Variants in SEZ6L observed in about 807,000 individuals in gnomAD.
The protein encoded by SEZ6L is seizure related 6 homolog like, also known as seizure 6-like protein.
A neutral mutation model predicts 106.2 loss-of-function variants in SEZ6L; 37 were observed. The ratio of observed to expected loss-of-function variants is 0.35; its 90% CI spans 0.27 to 0.46. The LOEUF (loss-of-function observed/expected upper bound fraction) is 0.46. Ranked by LOEUF, SEZ6L falls within the 20% of genes least tolerant of loss-of-function variation. The pLI, the probability that SEZ6L is intolerant of heterozygous loss-of-function variation, is 1.00. For missense variants in SEZ6L, 1,172 were observed against 1,332.8 expected, an observed-to-expected ratio of 0.88 and a Z score of 1.88; for synonymous variants, 541 against 570.4, an observed-to-expected ratio of 0.95 and a Z score of 0.73.
chr22:26,360,770 T>C (rs1259484539), intron 12 of SEZ6L, among the ~76,000 whole-genome samples: 2 of 152,162 alleles, frequency 1.3e-5, no homozygotes, highest in Non-Finnish European at 2.9e-5. Flanking sequence ...CTGTTCTCTG[T>C]TCCCCATTCG....
chr22:26,223,051 T>A (rs1417360112), intron 1 of SEZ6L, among the ~76,000 whole-genome samples: 2 of 152,166 alleles, frequency 1.3e-5, no homozygotes, highest in Non-Finnish European at 2.9e-5. Flanking sequence ...TCCTGATCTG[T>A]AAGATGTGAA....
intron 1 of SEZ6L, among the ~76,000 whole-genome samples, chr22:26,237,138 G>A (rs2078980054): frequency 6.6e-6 from 1 of 152,168 alleles, no homozygotes; most frequent in African/African-American, 2.4e-5. Flanking sequence ...TCCCCTCCCT[G>A]AGCCTCAGTT....
At chr22:26,280,779 T>C (rs1252579449) in intron 1 of SEZ6L, among the ~76,000 whole-genome samples, 1 of 152,208 alleles carries the variant, frequency 6.6e-6, no homozygotes, top group East Asian at 1.9e-4. Flanking sequence ...TATTTTTAAT[T>C]GACTAATAAA....
intron 16 of SEZ6L, 108 bp from the exon 17 acceptor site, chr22:26,380,158 G>T (rs749289681): frequency 2.8e-5 from 30 of 1,064,932 alleles, no homozygotes; most frequent in Non-Finnish European, 4.0e-5. Context: ...GCACTGAAAA[G>T]TCACGACCAA....
At chr22:26,341,083 C>T (rs1406366060) in intron 10 of SEZ6L, among the ~76,000 whole-genome samples, 1 of 151,878 alleles carries the variant, frequency 6.6e-6, no homozygotes, top group Non-Finnish European at 1.5e-5. Context: ...ATCGTCTTCA[C>T]CTTCTTGCCC....
Position 26,383,388 on chromosome 22 carries a change from T to C in SEZ6L, c.*3093T>C, listed in dbSNP as rs2084470714. On this transcript the variant is annotated 3_prime_UTR_variant, in exon 17 of 17. Coordinates refer to ENST00000248933, the MANE Select transcript of SEZ6L (RefSeq NM_021115.5). ...ATCCGAAGGGCATGATCTTCCTATG[T>C]CCTTGACTAGGCATGACGAGTCATT... 6.6e-6 allele frequency: 1 copy of C among 152,088 alleles called. No homozygotes were observed. The highest frequency in any genetic ancestry group is 1.5e-5 in the Non-Finnish European group (1 of 68,016). 9.4% of individuals were successfully genotyped at this position (152,088 alleles called of 1,614,324 possible). A position where few individuals can be genotyped will look rare whatever the true frequency, so the allele number is the denominator to read the frequency against.
chr22:26,177,082 T>G (rs1939059802), intron 1 of SEZ6L, among the ~76,000 whole-genome samples: 1 of 152,218 alleles, frequency 6.6e-6, no homozygotes, highest in Non-Finnish European at 1.5e-5. Flanking sequence ...TAAATGACTT[T>G]TCCTCTTAAT....
intron 1 of SEZ6L, among the ~76,000 whole-genome samples, chr22:26,217,968 C>T (rs190603826): frequency 6.6e-6 from 1 of 152,344 alleles, no homozygotes; most frequent in African/African-American, 2.4e-5. Context: ...CAAACAGTTC[C>T]TGGAGACCCT....
At chr22:26,194,690 T>G (rs1569367991) in intron 1 of SEZ6L, among the ~76,000 whole-genome samples, 1 of 152,202 alleles carries the variant, frequency 6.6e-6, no homozygotes, top group Non-Finnish European at 1.5e-5. Context: ...GCTTGCACTC[T>G]GGACTTGTAC....
chr22:26,209,028 A>C (rs1464370976), intron 1 of SEZ6L, among the ~76,000 whole-genome samples: 1 of 151,940 alleles, frequency 6.6e-6, no homozygotes, highest in African/African-American at 2.4e-5. Flanking sequence ...TTCCTCTGTC[A>C]TCATTCTGTT....
At chr22:26,250,708 AT>A (rs2079546938) in intron 1 of SEZ6L, among the ~76,000 whole-genome samples, 2 of 152,098 alleles carry the variant, frequency 1.3e-5, no homozygotes, top group African/African-American at 2.4e-5. Flanking sequence ...TGTCATTGGT[AT>A]TTTATAGGGA....
At position 26,351,539 on chromosome 22, in the gene SEZ6L, T is replaced by TGA. The variant is rs10634006; in HGVS notation, c.2599+296_2599+297insGA. ...TTTGTTTGTTTGTTTGTTTGTTTGT[T>TGA]TGTTTGTTGGTTGGTTGGTTGGTTT... is the stretch of plus-strand genomic sequence containing the variant. On this transcript the variant is annotated intron_variant, in intron 12 of 16. Coordinates refer to ENST00000248933, the MANE Select transcript of SEZ6L (RefSeq NM_021115.5). 2.4e-5 allele frequency: 6 copies of TGA among 249,620 alleles called. No individual in the cohort carries two copies. The South Asian group carries it at 3.1e-4, about 13-fold the overall frequency. 15.5% of individuals were successfully genotyped at this position (249,620 alleles called of 1,614,324 possible).
rs1051041271 is a variant in SEZ6L, at chr22:26,380,621, T to G, written c.*326T>G. 3 of 282,908 alleles carry G rather than the reference T, an allele frequency of 1.1e-5. No individual in the cohort carries two copies. Among genetic ancestry groups the G allele is most frequent in the African/African-American group, 2.1e-5 (1 of 46,778 alleles). The allele number at this position is 282,908 out of a possible 1,614,324, so 17.5% of individuals were successfully genotyped here. A position where few individuals can be genotyped will look rare whatever the true frequency, so the allele number is the denominator to read the frequency against. Reference sequence around the variant, plus strand: ...GTTTCTCCCATCAGCAATGCCATGCTAAGGCTGCATTGAATTGCATGCATC... The same window carrying G: ...GTTTCTCCCATCAGCAATGCCATGCGAAGGCTGCATTGAATTGCATGCATC... On this transcript the variant is annotated 3_prime_UTR_variant, in exon 17 of 17. Transcript: ENST00000248933.
At chr22:26,343,383 A>G (rs2082907404) in intron 10 of SEZ6L, among the ~76,000 whole-genome samples, 1 of 152,080 alleles carries the variant, frequency 6.6e-6, no homozygotes, top group Non-Finnish European at 1.5e-5. Flanking sequence ...TTAACCAGAA[A>G]GTCTGGCCAG....
intron 1 of SEZ6L, among the ~76,000 whole-genome samples, chr22:26,214,125 T>C (rs542665462): frequency 3.9e-5 from 6 of 152,330 alleles, no homozygotes; most frequent in Admixed American, 3.3e-4. Context: ...CTAATGACTT[T>C]GGAGATCAGT....
At chr22:26,181,952 G>A (rs917982357) in intron 1 of SEZ6L, among the ~76,000 whole-genome samples, 3 of 152,098 alleles carry the variant, frequency 2.0e-5, no homozygotes, top group South Asian at 2.1e-4. Flanking sequence ...GTCGTGAGAC[G>A]CATGGCTGCC....
chr22:26,249,725 C>T (rs2079503992), intron 1 of SEZ6L, among the ~76,000 whole-genome samples: 1 of 152,108 alleles, frequency 6.6e-6, no homozygotes, highest in African/African-American at 2.4e-5. Context: ...TAAGGTAGTT[C>T]TACTTTTAAT....
chr22:26,357,807 C>T (rs571348971), intron 12 of SEZ6L, among the ~76,000 whole-genome samples: 34 of 152,268 alleles, frequency 2.2e-4, no homozygotes, highest in African/African-American at 8.2e-4. Flanking sequence ...TGCAACTTCC[C>T]CTCTTTGATA....
At chr22:26,186,052 G>A (rs561605998) in intron 1 of SEZ6L, among the ~76,000 whole-genome samples, 22 of 151,784 alleles carry the variant, frequency 1.4e-4, no homozygotes, top group African/African-American at 4.1e-4. Flanking sequence ...TCACACCCTG[G>A]CTGCCCATGA....
Sources: allele counts gnomAD v4.1 joint callset (sites outside exome capture counted in the v4.1 genomes callset), GRCh38; gene constraint gnomAD v4.1.1; transcripts MANE v1.5; gene names NCBI Gene and HGNC (gene_info 2026-07-23, HGNC 2026-07-21).